The following AKAP6 variants were observed in gnomAD, a reference collection of about 807,000 sequenced individuals.
AKAP6 encodes the protein A-kinase anchoring protein 6.
A neutral mutation model predicts 188.5 loss-of-function variants in AKAP6; 58 were observed. The ratio of observed to expected loss-of-function variants is 0.31; its 90% CI spans 0.25 to 0.38. AKAP6 has a LOEUF of 0.38. Among genes scored for constraint, AKAP6 ranks in the 10% least tolerant of loss-of-function variants. AKAP6 has a pLI of 1.00. For synonymous variants in AKAP6, 989 were observed against 998.6 expected (o/e 0.99, Z 0.18); for missense variants, 2,710 against 2,740.0 (o/e 0.99, Z 0.24).
chr14:32,448,204 C>T (rs781379915), intron 2 of AKAP6, among the ~76,000 whole-genome samples: 1 of 152,176 alleles, frequency 6.6e-6, no homozygotes, highest in Non-Finnish European at 1.5e-5. Context: ...TTTCCTGGGT[C>T]TCAGCTTCAT....
chr14:32,742,016 A>AC (rs1260041508), intron 11 of AKAP6, among the ~76,000 whole-genome samples: 137 of 151,302 alleles, frequency 9.1e-4, no homozygotes, highest in African/African-American at 3.2e-3. Flanking sequence ...GCTTTTCTTT[A>AC]CTGGGGGATT....
At chr14:32,585,114 CT>C in intron 5 of AKAP6, among the ~76,000 whole-genome samples, 1 of 152,120 alleles carries the variant, frequency 6.6e-6, no homozygotes, top group African/African-American at 2.4e-5. Flanking sequence ...CAGTTTCCCC[CT>C]CTAGAGATTT....
Position 32,349,403 on chromosome 14 carries a change from G to A in AKAP6, c.-35+19995G>A, listed in dbSNP as rs377358579. On this transcript the variant is annotated intron_variant, in intron 1 of 13. Coordinates refer to ENST00000280979, the MANE Select transcript of AKAP6 (RefSeq NM_004274.5). Reference sequence around the variant, plus strand: ...TAGATGCTTGGAAAGGAGGGAAAATGTTTTATGGTGAAAGAATGCAGACTT... The same window carrying A: ...TAGATGCTTGGAAAGGAGGGAAAATATTTTATGGTGAAAGAATGCAGACTT... Among the ~76,000 whole-genome samples the A allele has an allele frequency of 3.9e-5, 6 of 152,304 alleles. No individual in the cohort carries two copies. The East Asian group carries it at 1.2e-3, about 29-fold the overall frequency.
intron 9 of AKAP6, among the ~76,000 whole-genome samples, chr14:32,697,614 A>G (rs1469635915): frequency 2.6e-5 from 4 of 152,208 alleles, no homozygotes; most frequent in Non-Finnish European, 4.4e-5. Context: ...AAGGTTACCT[A>G]ACCATAAGCC....
At position 32,568,592 on chromosome 14, in the gene AKAP6, G is replaced by A. The variant is rs1884311654; in HGVS notation, c.2347-8528G>A. Among the ~76,000 whole-genome samples, 1 of 152,118 alleles carries A rather than the reference G, an allele frequency of 6.6e-6. No homozygotes were observed. The highest frequency in any genetic ancestry group is 1.9e-4 in the East Asian group (1 of 5,192). ...TCTGATCTGCTTATCCAGTGTCTTGGAGGATTGGGGGTGCTTGAAGCAAGG... is the reference window on the plus strand; with the variant it reads ...TCTGATCTGCTTATCCAGTGTCTTGAAGGATTGGGGGTGCTTGAAGCAAGG... On this transcript the variant is annotated intron_variant, in intron 4 of 13. Coordinates refer to ENST00000280979, the MANE Select transcript of AKAP6 (RefSeq NM_004274.5). This position sits in a 1 kb window ranked among gnomAD's most constrained non-coding sequence, Gnocchi z 6.2.
chr14:32,578,744 G>A (rs537376188), intron 5 of AKAP6, among the ~76,000 whole-genome samples: 1 of 151,532 alleles, frequency 6.6e-6, no homozygotes, highest in African/African-American at 2.4e-5. Context: ...GTCCCAGAGG[G>A]CACAAGGGCA....
intron 11 of AKAP6, among the ~76,000 whole-genome samples, chr14:32,742,091 T>C (rs1477582278): frequency 6.6e-6 from 1 of 151,978 alleles, no homozygotes; most frequent in Non-Finnish European, 1.5e-5. Context: ...TTCTTCCTGG[T>C]TCAATCTTGA....
At chr14:32,407,000 G>A (rs1232088761) in intron 1 of AKAP6, among the ~76,000 whole-genome samples, 1 of 152,110 alleles carries the variant, frequency 6.6e-6, no homozygotes, top group Non-Finnish European at 1.5e-5. Flanking sequence ...TAGAGCTTGT[G>A]GCAAGTGCCA....
chr14:32,571,622 C>G (rs1164577608), intron 4 of AKAP6, among the ~76,000 whole-genome samples: 1 of 152,188 alleles, frequency 6.6e-6, no homozygotes, highest in Non-Finnish European at 1.5e-5. Flanking sequence ...AGGCAGCTAA[C>G]TCGATCTAGA....
intron 11 of AKAP6, among the ~76,000 whole-genome samples, chr14:32,765,592 ATTT>A (rs1259429008): frequency 6.6e-6 from 1 of 152,010 alleles, no homozygotes; most frequent in East Asian, 1.9e-4. Context: ...ACACTGCATT[ATTT>A]TTATCATACA....
intron 9 of AKAP6, among the ~76,000 whole-genome samples, chr14:32,711,584 G>C (rs1201040839): frequency 2.0e-5 from 3 of 152,034 alleles, no homozygotes; most frequent in Non-Finnish European, 4.4e-5. Context: ...CACTCTCATA[G>C]GTATACAGAG....
intron 11 of AKAP6, among the ~76,000 whole-genome samples, chr14:32,736,933 A>G (rs1180637140): frequency 6.6e-6 from 1 of 152,132 alleles, no homozygotes; most frequent in Non-Finnish European, 1.5e-5. Context: ...ACACCTGTAA[A>G]TTTGCTTTCA....
At chr14:32,767,380 C>T (rs1269753870) in intron 11 of AKAP6, among the ~76,000 whole-genome samples, 1 of 152,122 alleles carries the variant, frequency 6.6e-6, no homozygotes, top group East Asian at 1.9e-4. Flanking sequence ...GCTTTTAGCA[C>T]TATCTGATAT....
rs1026398792 is a variant in AKAP6, at chr14:32,830,671, G to A, written c.*866G>A. On this transcript the variant is annotated 3_prime_UTR_variant, in exon 14 of 14. Coordinates refer to ENST00000280979, the MANE Select transcript of AKAP6 (RefSeq NM_004274.5). ...AATTTCTGTATATATGTATAACCAA[G>A]TACAAACATTGATGTATAATGACAG... 2.6e-5 allele frequency: 4 copies of A among 152,616 alleles called. No individual in the cohort carries two copies. Among genetic ancestry groups the A allele is most frequent in the South Asian group, 2.1e-4 (1 of 4,834 alleles). 9.5% of individuals were successfully genotyped at this position (152,616 alleles called of 1,614,324 possible).
Position 32,430,588 on chromosome 14 carries a change from T to C in AKAP6, c.-34-2872T>C, listed in dbSNP as rs983149709. Among the ~76,000 whole-genome samples, 12 of 152,040 alleles carry C rather than the reference T, an allele frequency of 7.9e-5. 1 individual carries two copies. The highest frequency in any genetic ancestry group is 2.9e-4 in the African/African-American group (12 of 41,396). On this transcript the variant is annotated intron_variant, in intron 1 of 13. Transcript: ENST00000280979. ...GTATGTGTCAGTGTAGCTTAAACAG[T>C]TCATTGTATGCTGCCCTGGCTCAGC...
chr14:32,624,853 T>A (rs1048196710), intron 7 of AKAP6, among the ~76,000 whole-genome samples: 3 of 152,142 alleles, frequency 2.0e-5, no homozygotes, highest in African/African-American at 7.2e-5. Flanking sequence ...GTAGTCCTAA[T>A]AATTTTTTTG....
At chr14:32,510,661 T>G (rs1029622897) in intron 2 of AKAP6, among the ~76,000 whole-genome samples, 2 of 151,846 alleles carry the variant, frequency 1.3e-5, no homozygotes, top group African/African-American at 4.8e-5. Flanking sequence ...ACCAATGTTT[T>G]CCACCTAAGA....
rs545815358 is a variant in AKAP6 at position 32,560,334 on chromosome 14, A to C, written c.2346+13335A>C. Among the ~76,000 whole-genome samples the C allele has an allele frequency of 2.6e-5, 4 of 152,262 alleles. No homozygotes were observed. In the East Asian group the frequency reaches 7.7e-4, roughly 29 times the overall value. The stretch of plus-strand genomic sequence containing the variant: ...CATTGCGCAAGGTTGGTCCAGAAGA[A>C]CCGTAGGGATCCAAAGCAAATTCCT... On this transcript the variant is annotated intron_variant, in intron 4 of 13. Coordinates refer to ENST00000280979, the MANE Select transcript of AKAP6 (RefSeq NM_004274.5).
At chr14:32,753,180 C>G (rs1023302441) in intron 11 of AKAP6, among the ~76,000 whole-genome samples, 13 of 152,056 alleles carry the variant, frequency 8.5e-5, no homozygotes, top group South Asian at 2.1e-4. Flanking sequence ...TACAAGGGTT[C>G]CCTTTTCTCC....
Sources: gnomAD v4.1 joint callset for allele counts (sites outside exome capture counted in the v4.1 genomes callset) on GRCh38, gnomAD v4.1.1 for gene constraint, Gnocchi (gnomAD v3.1) non-coding constraint, MANE v1.5 for transcripts, NCBI Gene and HGNC (gene_info 2026-07-23, HGNC 2026-07-21) for gene names.